The following CSNK2A2IP variants were observed in gnomAD, a reference collection of about 807,000 sequenced individuals.
CSNK2A2IP encodes the protein casein kinase II subunit alpha'-interacting protein.
the CSNK2A2IP span, among the ~76,000 whole-genome samples, chr3:88,345,258 T>C: frequency 6.6e-6 from 1 of 152,024 alleles, no homozygotes; most frequent in Admixed American, 6.6e-5. Flanking sequence ...TTCAGGGATA[T>C]TTGTGTACGT....
At chr3:88,432,720 C>G in the CSNK2A2IP span, among the ~76,000 whole-genome samples, 1 of 150,640 alleles carries the variant, frequency 6.6e-6, no homozygotes. Flanking sequence ...AAAAGAAACT[C>G]TTGAAATCTT....
At chr3:88,420,913 T>C in the CSNK2A2IP span, among the ~76,000 whole-genome samples, 1 of 152,140 alleles carries the variant, frequency 6.6e-6, no homozygotes, top group African/African-American at 2.4e-5. Flanking sequence ...ACTATAACAG[T>C]CTGAGATATA....
At chr3:88,406,072 A>C in the CSNK2A2IP span, among the ~76,000 whole-genome samples, 3 of 152,114 alleles carry the variant, frequency 2.0e-5, no homozygotes, top group Admixed American at 2.0e-4. Flanking sequence ...ATAATCTTTT[A>C]ACTAACCTCA....
At chr3:88,447,732 T>C in the CSNK2A2IP span, among the ~76,000 whole-genome samples, 9 of 152,264 alleles carry the variant, frequency 5.9e-5, no homozygotes, top group African/African-American at 2.2e-4. Context: ...TTCTCGATGA[T>C]ATATTTTTCT....
At chr3:88,386,672 T>A in the CSNK2A2IP span, among the ~76,000 whole-genome samples, 2 of 152,164 alleles carry the variant, frequency 1.3e-5, no homozygotes, top group Non-Finnish European at 1.5e-5. Context: ...GCATGTTGGA[T>A]GTTATTGGGG....
chr3:88,451,747 A>C, the CSNK2A2IP span, among the ~76,000 whole-genome samples: 1 of 137,614 alleles, frequency 7.3e-6, no homozygotes. Flanking sequence ...TTTTTTTACC[A>C]CTTTCTACTT....
At chr3:88,417,832 CT>C in the CSNK2A2IP span, among the ~76,000 whole-genome samples, 1 of 152,222 alleles carries the variant, frequency 6.6e-6, no homozygotes, top group Admixed American at 6.5e-5. Context: ...TAATGTTAGA[CT>C]ATGTGATATT....
chr3:88,451,217 G>C, the CSNK2A2IP span, among the ~76,000 whole-genome samples: 1 of 152,084 alleles, frequency 6.6e-6, no homozygotes, highest in South Asian at 2.1e-4. Flanking sequence ...AGTATAGAGT[G>C]AACCTGGAGA....
At chr3:88,418,458 G>GTA in the CSNK2A2IP span, among the ~76,000 whole-genome samples, 1 of 124,216 alleles carries the variant, frequency 8.1e-6, no homozygotes, top group East Asian at 3.1e-4. Flanking sequence ...GTGTGTGTGT[G>GTA]TGTGTGCGCG....
At chr3:88,381,254 A>G in the CSNK2A2IP span, among the ~76,000 whole-genome samples, 1 of 152,202 alleles carries the variant, frequency 6.6e-6, no homozygotes, top group Non-Finnish European at 1.5e-5. Context: ...CTGTTTGTAA[A>G]TAAAGACCTG....
the CSNK2A2IP span, among the ~76,000 whole-genome samples, chr3:88,384,205 C>A: frequency 1.3e-5 from 2 of 152,002 alleles, no homozygotes; most frequent in South Asian, 4.1e-4. Context: ...GAAACAAATA[C>A]ATAAAACAAG....
At chr3:88,402,775 A>G in the CSNK2A2IP span, among the ~76,000 whole-genome samples, 1 of 152,080 alleles carries the variant, frequency 6.6e-6, no homozygotes, top group Admixed American at 6.5e-5. Flanking sequence ...ACTTCAGAAC[A>G]GTGATTATAT....
At chr3:88,448,950 TTGAC>T in the CSNK2A2IP span, among the ~76,000 whole-genome samples, 1 of 152,196 alleles carries the variant, frequency 6.6e-6, no homozygotes, top group Non-Finnish European at 1.5e-5. Context: ...TTCTCCTCCT[TTGAC>T]TGGTAGGTAG....
the CSNK2A2IP span, among the ~76,000 whole-genome samples, chr3:88,360,412 C>T: frequency 7.9e-5 from 12 of 152,234 alleles, no homozygotes; most frequent in East Asian, 1.4e-3. Context: ...GGATTATAGG[C>T]GTGAGCCACT....
chr3:88,459,926 T>A, the CSNK2A2IP span, among the ~76,000 whole-genome samples: 1 of 152,114 alleles, frequency 6.6e-6, no homozygotes, highest in Non-Finnish European at 1.5e-5. Flanking sequence ...TAGTGTTTTA[T>A]TTTATTTGGG....
At chr3:88,451,297 T>C in the CSNK2A2IP span, among the ~76,000 whole-genome samples, 2 of 151,982 alleles carry the variant, frequency 1.3e-5, no homozygotes, top group Non-Finnish European at 2.9e-5. Context: ...TATGTGAAAT[T>C]ATAGTGGTTT....
chr3:88,458,399 C>A, the CSNK2A2IP span, among the ~76,000 whole-genome samples: 1 of 152,110 alleles, frequency 6.6e-6, no homozygotes, highest in Non-Finnish European at 1.5e-5. Context: ...GATCCTCTTG[C>A]CTTGGCCTTC....
chr3:88,421,325 T>G, the CSNK2A2IP span, among the ~76,000 whole-genome samples: 1 of 152,168 alleles, frequency 6.6e-6, no homozygotes, highest in Non-Finnish European at 1.5e-5. Context: ...CCCCCATAAC[T>G]CCACAAGGCA....
chr3:88,409,648 T>C, the CSNK2A2IP span, among the ~76,000 whole-genome samples: 2 of 152,096 alleles, frequency 1.3e-5, no homozygotes, highest in Non-Finnish European at 2.9e-5. Flanking sequence ...GGACAAATTA[T>C]AGCACACATG....
Sources: gnomAD v4.1 joint callset for allele counts (sites outside exome capture counted in the v4.1 genomes callset) on GRCh38, gnomAD v4.1.1 for gene constraint, MANE v1.5 for transcripts, NCBI Gene and HGNC (gene_info 2026-07-23, HGNC 2026-07-21) for gene names.